Variants in AK5 observed in about 807,000 individuals in gnomAD.
AK5 encodes adenylate kinase 5, also known as adenylate kinase isoenzyme 5.
A neutral mutation model predicts 69.5 loss-of-function variants in AK5; 27 were observed. That is an observed-to-expected ratio of 0.39 (90% confidence interval 0.29 to 0.54). AK5 has a LOEUF of 0.54. Among genes scored for constraint, AK5 ranks in the 20% least tolerant of loss-of-function variants. The pLI is 0.71. For missense variants in AK5, 531 were observed against 700.4 expected (o/e 0.76, Z 2.73); for synonymous variants, 260 against 244.4 (o/e 1.06, Z -0.60).
chr1:77,492,341 T>C (rs1209354207), intron 10 of AK5, among the ~76,000 whole-genome samples: 1 of 152,242 alleles, frequency 6.6e-6, no homozygotes, highest in Non-Finnish European at 1.5e-5. Context: ...ACACAACTAG[T>C]ACAGCAGGAC....
chr1:77,531,966 A>T (rs1463981016), intron 12 of AK5: 1 of 145,150 alleles, frequency 6.9e-6, no homozygotes, highest in Admixed American at 7.1e-5. Flanking sequence ...CCCAGGTGCT[A>T]AGCCCCTCAC....
chr1:77,407,012 AAT>A (rs1473130439), intron 6 of AK5, among the ~76,000 whole-genome samples: 1 of 152,112 alleles, frequency 6.6e-6, no homozygotes, highest in African/African-American at 2.4e-5. Flanking sequence ...TCAAATTGTC[AAT>A]GTCTGGCATC....
chr1:77,382,227 ATTTTT>A (rs11306378), intron 6 of AK5, among the ~76,000 whole-genome samples: 76 of 136,772 alleles, frequency 5.6e-4, no homozygotes, highest in East Asian at 5.1e-3. Context: ...TAATCTTTTA[ATTTTT>A]TTTTTTTTTT....
At chr1:77,369,978 A>G (rs1647089836) in intron 6 of AK5, among the ~76,000 whole-genome samples, 1 of 152,234 alleles carries the variant, frequency 6.6e-6, no homozygotes, top group South Asian at 2.1e-4. Flanking sequence ...GATAGCAGTT[A>G]TATCTGCTTT....
At chr1:77,504,108 A>G (rs1381049378) in intron 10 of AK5, among the ~76,000 whole-genome samples, 2 of 152,088 alleles carry the variant, frequency 1.3e-5, no homozygotes, top group Non-Finnish European at 2.9e-5. Flanking sequence ...GCAGAGTGCT[A>G]TCTTCTTGTC....
At chr1:77,406,417 T>C (rs1321988535) in intron 6 of AK5, among the ~76,000 whole-genome samples, 4 of 152,024 alleles carry the variant, frequency 2.6e-5, no homozygotes, top group Non-Finnish European at 5.9e-5. Flanking sequence ...TGGCTAGAGT[T>C]GCAGGACAAA....
chr1:77,425,580 C>T (rs1486353850), intron 8 of AK5, among the ~76,000 whole-genome samples: 1 of 151,750 alleles, frequency 6.6e-6, no homozygotes, highest in East Asian at 1.9e-4. Flanking sequence ...GAGCAAGACT[C>T]TGTCTCAAAA....
At chr1:77,283,579 C>G in intron 1 of AK5, 1 of 985,338 alleles carries the variant, frequency 1.0e-6, no homozygotes, top group Non-Finnish European at 1.2e-6. Flanking sequence ...TATAAGCCAC[C>G]GTTTTCAGGT....
intron 2 of AK5, among the ~76,000 whole-genome samples, chr1:77,291,126 G>A (rs1658662825): frequency 6.6e-6 from 1 of 152,176 alleles, no homozygotes; most frequent in Admixed American, 6.5e-5. Flanking sequence ...CAAAGAGGCT[G>A]TAATTTGGTC....
At chr1:77,408,550 G>A (rs11162337) in intron 6 of AK5, among the ~76,000 whole-genome samples, 132,725 of 152,004 alleles carry the variant, frequency 0.87, 58,784 homozygotes, top group East Asian at 0.97. Context: ...TGTGTAGTTT[G>A]TGAATATTTT....
intron 8 of AK5, among the ~76,000 whole-genome samples, chr1:77,418,491 G>T (rs545867440): frequency 6.6e-6 from 1 of 152,136 alleles, no homozygotes; most frequent in Non-Finnish European, 1.5e-5. Flanking sequence ...GGAAAGCATA[G>T]CCAAGAAGTT....
At chr1:77,430,165 A>C (rs1178691487) in intron 8 of AK5, among the ~76,000 whole-genome samples, 1 of 151,970 alleles carries the variant, frequency 6.6e-6, no homozygotes, top group East Asian at 1.9e-4. Context: ...GCATCTATGG[A>C]GTCCAGAGTG....
chr1:77,548,635 G>T (rs374979384), intron 13 of AK5, among the ~76,000 whole-genome samples: 7 of 152,338 alleles, frequency 4.6e-5, no homozygotes, highest in Non-Finnish European at 8.8e-5. Context: ...GGTTTCAACT[G>T]TCTGGGAAAA....
intron 6 of AK5, among the ~76,000 whole-genome samples, chr1:77,379,976 T>C (rs1037783552): frequency 2.6e-5 from 4 of 152,336 alleles, no homozygotes; most frequent in Admixed American, 2.6e-4. Flanking sequence ...TCTCAACAGC[T>C]TGCAGGGTTC....
intron 9 of AK5, 79 bp from the exon 10 acceptor site, chr1:77,486,229 G>T: frequency 1.0e-6 from 1 of 960,410 alleles, no homozygotes. Context: ...CAAGGTTTGG[G>T]TTTTTATATA....
intron 6 of AK5, among the ~76,000 whole-genome samples, chr1:77,402,292 T>TATC (rs1251544705): frequency 3.9e-5 from 6 of 152,026 alleles, no homozygotes; most frequent in Admixed American, 2.6e-4. Flanking sequence ...ACTTTTTCAT[T>TATC]ATTATTATTA....
At chr1:77,404,448 G>C (rs17380036) in intron 6 of AK5, among the ~76,000 whole-genome samples, 2 of 151,902 alleles carry the variant, frequency 1.3e-5, no homozygotes, top group East Asian at 3.9e-4. Flanking sequence ...GAGAAAAAAA[G>C]GTTGATGATC....
intron 5 of AK5, among the ~76,000 whole-genome samples, chr1:77,306,494 G>GTTTTTTTTT (rs869202567): frequency 8.3e-6 from 1 of 120,364 alleles, no homozygotes; most frequent in Admixed American, 8.7e-5. Flanking sequence ...GTTTTTTTTT[G>GTTTTTTTTT]TTTTTTTTTT....
intron 6 of AK5, among the ~76,000 whole-genome samples, chr1:77,366,962 G>A (rs983131727): frequency 1.3e-5 from 2 of 151,768 alleles, no homozygotes; most frequent in African/African-American, 2.4e-5. Flanking sequence ...AAATGTCAAC[G>A]GTCTACCTGT....
Sources: gnomAD v4.1 joint callset for allele counts (sites outside exome capture counted in the v4.1 genomes callset) on GRCh38, gnomAD v4.1.1 for gene constraint, MANE v1.5 for transcripts, NCBI Gene and HGNC (gene_info 2026-07-23, HGNC 2026-07-21) for gene names.